The following GREB1 variants were observed in gnomAD, a reference collection of about 807,000 sequenced individuals.
GREB1 encodes the protein protein GREB1.
Under a neutral mutation model 200.7 loss-of-function variants are expected in GREB1, and 106 were observed. The ratio of observed to expected loss-of-function variants is 0.53; its 90% CI spans 0.45 to 0.62. The LOEUF is 0.62. Among genes scored for constraint, GREB1 ranks in the 20% least tolerant of loss-of-function variants. The probability of loss-of-function intolerance (pLI) is 0.00; values close to 1 mark genes in which losing one functional copy is unlikely to be tolerated. For missense variants in GREB1, 2,243 were observed against 2,556.8 expected (o/e 0.88, Z 2.65); for synonymous variants, 1,132 against 1,092.4 (o/e 1.04, Z -0.72).
intron 4 of GREB1, among the ~76,000 whole-genome samples, chr2:11,574,673 A>G (rs1181357322): frequency 6.6e-6 from 1 of 152,222 alleles, no homozygotes; most frequent in Non-Finnish European, 1.5e-5. Context: ...TTCTGTACCT[A>G]TGGATTTGAA....
intron 4 of GREB1, among the ~76,000 whole-genome samples, chr2:11,575,635 T>C (rs973332856): frequency 3.3e-4 from 50 of 152,186 alleles, no homozygotes; most frequent in Non-Finnish European, 6.2e-4. Flanking sequence ...CTCACCAGCA[T>C]GCTGGCCAGA....
intron 11 of GREB1, 62 bp downstream of exon 11, chr2:11,593,188 T>G: frequency 8.6e-7 from 1 of 1,165,312 alleles, no homozygotes; most frequent in Non-Finnish European, 1.2e-6. Context: ...GTCCCCTCCT[T>G]TGGTGGTTCT....
intron 1 of GREB1, among the ~76,000 whole-genome samples, chr2:11,522,766 G>A (rs931823613): frequency 6.6e-6 from 1 of 152,226 alleles, no homozygotes; most frequent in African/African-American, 2.4e-5. Context: ...TGCAGACTCA[G>A]GGATAGCAAT....
At chr2:11,601,895 C>T (rs184708493) in intron 16 of GREB1, among the ~76,000 whole-genome samples, 7 of 152,230 alleles carry the variant, frequency 4.6e-5, no homozygotes, top group African/African-American at 1.4e-4. Context: ...CTCCATGGCT[C>T]GGCCCTTAAC....
chr2:11,592,689 AGGTGG>A (rs1306576057), intron 10 of GREB1, 82 bp from the exon 11 acceptor site: 14 of 809,138 alleles, frequency 1.7e-5, no homozygotes, highest in Non-Finnish European at 2.5e-5. Flanking sequence ...GTAATAACTT[AGGTGG>A]GTACTTTCAC....
At chr2:11,562,331 A>C in intron 2 of GREB1, 132 bp from the exon 3 acceptor site, 1 of 1,136,034 alleles carries the variant, frequency 8.8e-7, no homozygotes, top group Non-Finnish European at 1.3e-6. Flanking sequence ...GGATGGGTGG[A>C]ACCCATTCTG....
At position 11,615,167 on chromosome 2, in the gene GREB1, C is replaced by T. The variant is rs750448127; in HGVS notation, c.3199C>T (p.Leu1067=). 5.6e-6 allele frequency: 9 copies of T among 1,614,050 alleles called. No homozygotes were observed. The African/African-American group carries it at 1.1e-4, about 19-fold the overall frequency. ...VRTALEQELG[L]AAYFVSNEVP... ...AACAGCCTTGGAGCAGGAGCTGGGC[C>T]TGGCTGCCTACTTTGTGAGCAACGA... The change falls in exon 20 of 33, where the codon CTG becomes TTG. Residue 1067 remains leucine, a synonymous_variant. Coordinates refer to ENST00000381486, the MANE Select transcript of GREB1 (RefSeq NM_014668.4).
At chr2:11,557,107 C>A (rs1465930638) in intron 2 of GREB1, among the ~76,000 whole-genome samples, 2 of 152,200 alleles carry the variant, frequency 1.3e-5, no homozygotes, top group Non-Finnish European at 2.9e-5. Flanking sequence ...TGACCCTCAG[C>A]AATATATTCC....
In GREB1 at chr2:11,627,096, C is replaced by G. The variant is rs750052788; in HGVS notation, c.4441C>G (p.Arg1481Gly). 1.9e-6 allele frequency: 3 copies of G among 1,595,174 alleles called. No individual in the cohort carries two copies. Among genetic ancestry groups the G allele is most frequent in the Admixed American group, 1.7e-5 (1 of 58,100 alleles). Residue 1481 changes from arginine to glycine, a missense_variant, in exon 25 of 33, where the codon CGC becomes GGC. Physicochemically the swap from Arg to Gly is moderately radical, Grantham distance 125 (BLOSUM62 -2). Coordinates refer to ENST00000381486, the MANE Select transcript of GREB1 (RefSeq NM_014668.4). ...QCHQYMGFHPRYQLYESTLHA... is the reference protein window; with the variant it reads ...QCHQYMGFHPGYQLYESTLHA... ...CCACCAGTACATGGGCTTCCACCCC[C>G]GCTACCAGGTAGGCCCCAGCAGTTC...
chr2:11,574,769 T>C (rs1367568125), intron 4 of GREB1, among the ~76,000 whole-genome samples: 1 of 152,188 alleles, frequency 6.6e-6, no homozygotes, highest in African/African-American at 2.4e-5. Flanking sequence ...TGGGTTGAGA[T>C]GAATGACAAG....
At chr2:11,586,334 T>C (rs992678262) in intron 9 of GREB1, among the ~76,000 whole-genome samples, 2 of 152,226 alleles carry the variant, frequency 1.3e-5, no homozygotes, top group African/African-American at 4.8e-5. Context: ...CCACTAGTAT[T>C]TTTTGACTAT....
intron 9 of GREB1, chr2:11,588,368 AC>A: frequency 1.2e-6 from 1 of 847,468 alleles, no homozygotes; most frequent in African/African-American, 1.8e-5. Context: ...GGCAGGCAGC[AC>A]CCAGTGAAGC....
At chr2:11,634,383 A>C in intron 29 of GREB1, 34 bp downstream of exon 29, 1 of 1,558,500 alleles carries the variant, frequency 6.4e-7, no homozygotes, top group Admixed American at 1.8e-5. Flanking sequence ...AGGCGGCGGC[A>C]GCCCTGGGGG....
chr2:11,512,857 T>C (rs867854991), intron 1 of GREB1, among the ~76,000 whole-genome samples: 1 of 152,292 alleles, frequency 6.6e-6, no homozygotes, highest in Middle Eastern at 3.4e-3. Flanking sequence ...CTTAAGTAAT[T>C]TTATGTTTTA....
At chr2:11,489,177 G>C (rs1437163612) in intron 1 of GREB1, among the ~76,000 whole-genome samples, 2 of 152,206 alleles carry the variant, frequency 1.3e-5, no homozygotes, top group African/African-American at 2.4e-5. Flanking sequence ...GGCCGGCCGG[G>C]CACAGTGGCT....
At chr2:11,537,851 G>T (rs1674370183) in intron 1 of GREB1, among the ~76,000 whole-genome samples, 1 of 151,158 alleles carries the variant, frequency 6.6e-6, no homozygotes, top group Admixed American at 6.6e-5. Flanking sequence ...TTATCCGCAG[G>T]ATCTACCTAT....
rs1558636075 is a variant in GREB1 at position 11,614,124 on chromosome 2, G to GTTTT, written c.3123-967_3123-966insTTTT. 2.2e-5 allele frequency among the ~76,000 whole-genome samples: 3 copies of GTTTT among 133,400 alleles called. 1 individual carries two copies. Among genetic ancestry groups the GTTTT allele is most frequent in the Non-Finnish European group, 1.5e-5 (1 of 65,194 alleles). 87.5% of individuals were successfully genotyped at this position (133,400 alleles called of 152,430 possible). A position where few individuals can be genotyped will look rare whatever the true frequency, so the allele number is the denominator to read the frequency against. Reference sequence around the variant, plus strand: ...TTTAATCTTTATCACAGCGGACTTAGATTTTTTTTTTTTTTTTTTTGAGAC... The same window carrying GTTTT: ...TTTAATCTTTATCACAGCGGACTTAGTTTTATTTTTTTTTTTTTTTTTTTGAGAC... On this transcript the variant is annotated intron_variant, in intron 19 of 32. Transcript: ENST00000381486.
chr2:11,487,358 G>A (rs181277248), intron 1 of GREB1, among the ~76,000 whole-genome samples: 1 of 152,304 alleles, frequency 6.6e-6, no homozygotes, highest in East Asian at 1.9e-4. Context: ...ACTCTTAACT[G>A]TCTCTGATGC....
At position 11,519,449 on chromosome 2, in the gene GREB1, G is replaced by GTTTTTTTT. The variant is rs70955804; in HGVS notation, c.-158-36992_-158-36985dup. ...TCACATCTTATGATTACTTGTTTTG[G>GTTTTTTTT]TTTTTTTTTTTTTTTTTTTTTTTGA... On this transcript the variant is annotated intron_variant, in intron 1 of 2. Transcript: ENST00000628795. Among the ~76,000 whole-genome samples, 30 of 77,008 alleles carry GTTTTTTTT rather than the reference G, an allele frequency of 3.9e-4. 2 individuals are homozygous for GTTTTTTTT. Among genetic ancestry groups the GTTTTTTTT allele is most frequent in the East Asian group, 8.7e-4 (2 of 2,298 alleles). The allele number at this position is 77,008 out of a possible 152,430, so 50.5% of individuals were successfully genotyped here. A position where few individuals can be genotyped will look rare whatever the true frequency, so the allele number is the denominator to read the frequency against.
Sources: allele counts gnomAD v4.1 joint callset (sites outside exome capture counted in the v4.1 genomes callset), GRCh38; gene constraint gnomAD v4.1.1; transcripts MANE v1.5; gene names NCBI Gene and HGNC (gene_info 2026-07-23, HGNC 2026-07-21).